THSD7A: variants seen among roughly 807,000 people sequenced by gnomAD.
THSD7A encodes the protein thrombospondin type-1 domain-containing protein 7A.
Under a neutral mutation model 231.3 loss-of-function variants are expected in THSD7A, and 96 were observed. The observed-to-expected ratio is 0.41, with a 90% CI of 0.35 to 0.49. The LOEUF (loss-of-function observed/expected upper bound fraction) is 0.49. Ranked by LOEUF, THSD7A falls within the 20% of genes least tolerant of loss-of-function variation. The probability of loss-of-function intolerance (pLI) is 0.05; values close to 1 mark genes in which losing one functional copy is unlikely to be tolerated. For missense variants in THSD7A, 2,290 were observed against 2,070.2 expected, an observed-to-expected ratio of 1.11 and a Z score of -2.06; for synonymous variants, 940 against 743.3, an observed-to-expected ratio of 1.26 and a Z score of -4.30.
In THSD7A at chr7:11,655,406, G is replaced by C. The variant is rs1030977879; in HGVS notation, c.191-18445C>G. Among the ~76,000 whole-genome samples, 4 of 151,572 alleles carry C rather than the reference G, an allele frequency of 2.6e-5. No individual in the cohort carries two copies. The East Asian group carries it at 7.8e-4, about 30-fold the overall frequency. On this transcript the variant is annotated intron_variant, in intron 1 of 27. Transcript: ENST00000423059. ...TTGTTGGACAGCTACACCTACTAGA[G>C]GTTTCTTTCTCATATGCCTATAAAA...
At chr7:11,388,720 G>C (rs1247581496) in intron 23 of THSD7A, among the ~76,000 whole-genome samples, 1 of 151,646 alleles carries the variant, frequency 6.6e-6, no homozygotes, top group African/African-American at 2.4e-5. Context: ...GAATTTGTTT[G>C]CTCTTACTTC....
chr7:11,807,102 T>G (rs1337575349), intron 1 of THSD7A, among the ~76,000 whole-genome samples: 1 of 152,104 alleles, frequency 6.6e-6, no homozygotes, highest in Non-Finnish European at 1.5e-5. Context: ...CTAAGTACTT[T>G]TTTACTCTGA....
At position 11,654,770 on chromosome 7, in the gene THSD7A, C is replaced by T. The variant is rs561205964; in HGVS notation, c.191-17809G>A. Reference sequence around the variant, plus strand: ...GCAGATGAATAATACATGTCTTTCGCTTGATTGAAAAATCACAGTAAGGAT... The same window carrying T: ...GCAGATGAATAATACATGTCTTTCGTTTGATTGAAAAATCACAGTAAGGAT... On this transcript the variant is annotated intron_variant, in intron 1 of 27. Transcript: ENST00000423059. 1.1e-4 allele frequency among the ~76,000 whole-genome samples: 16 copies of T among 151,952 alleles called. No homozygotes were observed. In the South Asian group the frequency reaches 3.1e-3, roughly 30 times the overall value.
intron 1 of THSD7A, among the ~76,000 whole-genome samples, chr7:11,805,771 C>G (rs1784383970): frequency 6.6e-6 from 1 of 152,058 alleles, no homozygotes; most frequent in Admixed American, 6.6e-5. Context: ...CATTTCTATT[C>G]AGAAGTGTTT....
intron 1 of THSD7A, among the ~76,000 whole-genome samples, chr7:11,740,085 GGA>G (rs1211349142): frequency 6.6e-6 from 1 of 151,882 alleles, no homozygotes; most frequent in Non-Finnish European, 1.5e-5. Flanking sequence ...GATTCAACTT[GGA>G]CACATAACTC....
chr7:11,714,033 T>C (rs940029661), intron 1 of THSD7A, among the ~76,000 whole-genome samples: 3 of 151,260 alleles, frequency 2.0e-5, no homozygotes, highest in African/African-American at 7.3e-5. Context: ...AAAATTTAAG[T>C]TAAATATGTG....
At chr7:11,820,769 G>T in intron 1 of THSD7A, 1 of 1,204,886 alleles carries the variant, frequency 8.3e-7, no homozygotes, top group South Asian at 1.2e-5. Context: ...GGAGTGAGAT[G>T]ACCGGGAGGA....
intron 2 of THSD7A, among the ~76,000 whole-genome samples, chr7:11,597,073 T>C (rs1780389037): frequency 6.6e-6 from 1 of 152,232 alleles, no homozygotes; most frequent in South Asian, 2.1e-4. Context: ...GACATTATGC[T>C]GATTAGATCC....
intron 1 of THSD7A, among the ~76,000 whole-genome samples, chr7:11,782,230 T>C (rs1010011837): frequency 1.3e-5 from 2 of 152,166 alleles, no homozygotes; most frequent in African/African-American, 4.8e-5. Context: ...TCCAGAACCT[T>C]CAGTTTGGAT....
chr7:11,416,725 GCA>G (rs1783972569), intron 17 of THSD7A, among the ~76,000 whole-genome samples: 1 of 152,088 alleles, frequency 6.6e-6, no homozygotes, highest in Non-Finnish European at 1.5e-5. Context: ...TTTTTGAAAT[GCA>G]CAGTTTTACA....
intron 11 of THSD7A, among the ~76,000 whole-genome samples, chr7:11,449,952 A>G (rs1209687785): frequency 1.3e-5 from 2 of 152,122 alleles, no homozygotes; most frequent in Non-Finnish European, 2.9e-5. Flanking sequence ...AGAGGGTTTC[A>G]CTGTTTGTAA....
chr7:11,758,701 A>G (rs531202605), intron 1 of THSD7A, among the ~76,000 whole-genome samples: 1 of 152,228 alleles, frequency 6.6e-6, no homozygotes, highest in African/African-American at 2.4e-5. Context: ...GTATCCTATG[A>G]GAGTTCAAAG....
chr7:11,578,004 AT>A (rs748159411), intron 4 of THSD7A, among the ~76,000 whole-genome samples: 2 of 152,048 alleles, frequency 1.3e-5, no homozygotes, highest in African/African-American at 4.8e-5. Context: ...GAAAAGGTCT[AT>A]TTTTTTCCCA....
chr7:11,470,026 A>C, intron 8 of THSD7A, 32 bp from the exon 9 acceptor site: 1 of 1,387,126 alleles, frequency 7.2e-7, no homozygotes. Flanking sequence ...ATTAGGCTTC[A>C]ATAGTAAAGC....
At chr7:11,654,121 G>A (rs1782618113) in intron 1 of THSD7A, among the ~76,000 whole-genome samples, 1 of 151,744 alleles carries the variant, frequency 6.6e-6, no homozygotes, top group Admixed American at 6.6e-5. Context: ...TGAATTCTAG[G>A]GTTGAGGATT....
intron 1 of THSD7A, among the ~76,000 whole-genome samples, chr7:11,673,539 C>A (rs1289852697): frequency 1.4e-4 from 22 of 152,170 alleles, no homozygotes; most frequent in Admixed American, 1.4e-3. Context: ...GCCATGGGAC[C>A]AAGGTGCATC....
intron 1 of THSD7A, among the ~76,000 whole-genome samples, chr7:11,764,930 G>A (rs1464454319): frequency 6.6e-6 from 1 of 152,092 alleles, no homozygotes; most frequent in Non-Finnish European, 1.5e-5. Context: ...AAACTCTAAT[G>A]TAAGTAGAAA....
intron 2 of THSD7A, among the ~76,000 whole-genome samples, chr7:11,633,190 A>G (rs1377683449): frequency 1.3e-5 from 2 of 151,956 alleles, no homozygotes; most frequent in Middle Eastern, 3.2e-3. Flanking sequence ...TTCCTTTAAC[A>G]TCTTTGGTTT....
chr7:11,421,284 T>A (rs1012755764), intron 16 of THSD7A, among the ~76,000 whole-genome samples: 1 of 152,172 alleles, frequency 6.6e-6, no homozygotes, highest in African/African-American at 2.4e-5. Flanking sequence ...GCTGTTCTCA[T>A]GATAGTGAGT....
Sources: allele counts gnomAD v4.1 joint callset (sites outside exome capture counted in the v4.1 genomes callset), GRCh38; gene constraint gnomAD v4.1.1; transcripts MANE v1.5; gene names NCBI Gene and HGNC (gene_info 2026-07-23, HGNC 2026-07-21).